Variants in ASIC2 observed in about 807,000 individuals in gnomAD.
ASIC2 encodes acid-sensing ion channel 2.
ASIC2 carries 25 observed loss-of-function variants against 57.3 expected under a neutral mutation model. That is an observed-to-expected ratio of 0.44 (90% CI 0.32 to 0.61). The LOEUF (loss-of-function observed/expected upper bound fraction) is 0.61, where lower values mean the gene tolerates loss of function less well. Among genes scored for constraint, ASIC2 ranks in the 20% least tolerant of loss-of-function variants. The probability of loss-of-function intolerance (pLI) is 0.06; values close to 1 mark genes in which losing one functional copy is unlikely to be tolerated. For synonymous variants in ASIC2, 319 were observed against 307.5 expected (o/e 1.04, Z -0.39); for missense variants, 641 against 738.1 (o/e 0.87, Z 1.52).
intron 1 of ASIC2, among the ~76,000 whole-genome samples, chr17:33,354,350 C>T (rs1908297212): frequency 6.6e-6 from 1 of 152,152 alleles, no homozygotes. Flanking sequence ...GGAGATCCCT[C>T]ATCTCTCACC....
At chr17:33,891,255 G>C (rs1264481569) in intron 1 of ASIC2, among the ~76,000 whole-genome samples, 1 of 152,120 alleles carries the variant, frequency 6.6e-6, no homozygotes, top group African/African-American at 2.4e-5. Context: ...GTCTTAGTGT[G>C]AACTCACTTG....
intron 1 of ASIC2, among the ~76,000 whole-genome samples, chr17:33,914,460 G>A (rs1254874548): frequency 6.6e-6 from 1 of 152,152 alleles, no homozygotes. Context: ...TCAGTCTCAG[G>A]GGAGCCTCGA....
At chr17:33,644,443 A>G (rs1296596585) in intron 1 of ASIC2, among the ~76,000 whole-genome samples, 1 of 151,918 alleles carries the variant, frequency 6.6e-6, no homozygotes, top group Admixed American at 6.6e-5. Flanking sequence ...CATCTATTTG[A>G]TCTCTCCTGT....
intron 1 of ASIC2, among the ~76,000 whole-genome samples, chr17:33,328,291 G>T (rs1597684971): frequency 6.6e-6 from 1 of 152,168 alleles, no homozygotes; most frequent in African/African-American, 2.4e-5. Flanking sequence ...AGAAGTCTGG[G>T]TTCAGCCAAC....
At chr17:33,911,843 G>A (rs1332432632) in intron 1 of ASIC2, among the ~76,000 whole-genome samples, 2 of 152,074 alleles carry the variant, frequency 1.3e-5, no homozygotes, top group Non-Finnish European at 2.9e-5. Flanking sequence ...GGATCGGCTG[G>A]GCACGGTGGT....
intron 1 of ASIC2, among the ~76,000 whole-genome samples, chr17:33,270,800 C>G (rs942052774): frequency 6.6e-6 from 1 of 152,236 alleles, no homozygotes; most frequent in African/African-American, 2.4e-5. Context: ...TGACTCTACT[C>G]ACTTGAACAG....
chr17:33,774,964 G>A (rs1911219739), intron 1 of ASIC2, among the ~76,000 whole-genome samples: 1 of 152,188 alleles, frequency 6.6e-6, no homozygotes, highest in African/African-American at 2.4e-5. Flanking sequence ...AGGGAACCCA[G>A]GCCAATGCAA....
intron 3 of ASIC2, among the ~76,000 whole-genome samples, chr17:33,074,368 C>T (rs1435988531): frequency 6.6e-6 from 1 of 152,208 alleles, no homozygotes; most frequent in East Asian, 1.9e-4. Context: ...CATACCCTCT[C>T]CATGCCTTTT....
At chr17:33,669,971 G>C (rs1907594704) in intron 1 of ASIC2, among the ~76,000 whole-genome samples, 1 of 152,156 alleles carries the variant, frequency 6.6e-6, no homozygotes. Context: ...TTTTAAGGTG[G>C]GCTTCCTGTA....
chr17:33,804,890 T>C (rs1051648704), intron 1 of ASIC2, among the ~76,000 whole-genome samples: 4 of 151,960 alleles, frequency 2.6e-5, no homozygotes, highest in East Asian at 1.9e-4. Flanking sequence ...GATCTCTCTT[T>C]TTTTTTTTAA....
At chr17:33,893,309 G>A (rs1035706726) in intron 1 of ASIC2, among the ~76,000 whole-genome samples, 2 of 152,156 alleles carry the variant, frequency 1.3e-5, no homozygotes, top group Non-Finnish European at 2.9e-5. Context: ...TCCTTTATGA[G>A]GAGCTGTAAT....
chr17:33,826,693 A>C (rs974546039), intron 1 of ASIC2, among the ~76,000 whole-genome samples: 6 of 152,162 alleles, frequency 3.9e-5, no homozygotes, highest in Admixed American at 1.3e-4. Flanking sequence ...TAAGGACCAA[A>C]GGTAGTGCAG....
intron 1 of ASIC2, among the ~76,000 whole-genome samples, chr17:33,448,000 A>G (rs1394430022): frequency 6.6e-6 from 1 of 150,964 alleles, no homozygotes; most frequent in Non-Finnish European, 1.5e-5. Context: ...AATTATATGA[A>G]TGTTTTATAT....
intron 1 of ASIC2, among the ~76,000 whole-genome samples, chr17:33,254,509 G>A (rs1908990538): frequency 6.6e-6 from 1 of 152,030 alleles, no homozygotes; most frequent in South Asian, 2.1e-4. Flanking sequence ...TGCAGGCTTT[G>A]GATGCACCCA....
chr17:33,193,111 T>C (rs1906491069), intron 1 of ASIC2, among the ~76,000 whole-genome samples: 1 of 152,198 alleles, frequency 6.6e-6, no homozygotes. Flanking sequence ...ACCATTTACA[T>C]GTTAATGTTC....
chr17:33,170,662 G>A (rs1311241953), intron 1 of ASIC2, among the ~76,000 whole-genome samples: 1 of 152,096 alleles, frequency 6.6e-6, no homozygotes, highest in African/African-American at 2.4e-5. Flanking sequence ...ACAAAAGGAA[G>A]GGCAAGAAGG....
chr17:34,031,613 A>G (rs1245541334), intron 1 of ASIC2, among the ~76,000 whole-genome samples: 1 of 152,088 alleles, frequency 6.6e-6, no homozygotes, highest in Non-Finnish European at 1.5e-5. Flanking sequence ...AAAAGCTTTG[A>G]AAAAAAATTA....
At chr17:33,758,968 A>C (rs142754202) in intron 1 of ASIC2, among the ~76,000 whole-genome samples, 1,525 of 151,950 alleles carry the variant, frequency 0.01, 10 homozygotes, top group South Asian at 0.024. Flanking sequence ...CTGATAACAG[A>C]TACCTGAAAA....
chr17:33,776,670 G>A (rs895797183), intron 1 of ASIC2, among the ~76,000 whole-genome samples: 4 of 151,450 alleles, frequency 2.6e-5, no homozygotes, highest in Non-Finnish European at 4.4e-5. Context: ...CACAAAGGCC[G>A]GGGGGTCCAG....
Sources: gnomAD v4.1 joint callset for allele counts (sites outside exome capture counted in the v4.1 genomes callset) on GRCh38, gnomAD v4.1.1 for gene constraint, MANE v1.5 for transcripts, NCBI Gene and HGNC (gene_info 2026-07-23, HGNC 2026-07-21) for gene names.